The following PPP1R17 variants were observed in gnomAD, a reference collection of about 807,000 sequenced individuals.
PPP1R17 encodes G-substrate.
Under a neutral mutation model 15.9 loss-of-function variants are expected in PPP1R17, and 12 were observed. The ratio of observed to expected loss-of-function variants is 0.75; its 90% CI spans 0.48 to 1.22. PPP1R17 has a LOEUF of 1.22. PPP1R17 is among the 50% of genes most tolerant of loss of function. The probability of loss-of-function intolerance (pLI) is 0.00; values close to 1 mark genes in which losing one functional copy is unlikely to be tolerated. For synonymous variants in PPP1R17, 63 were observed against 64.5 expected, an observed-to-expected ratio of 0.98 and a Z score of 0.11; for missense variants, 211 against 187.3, an observed-to-expected ratio of 1.13 and a Z score of -0.74.
At chr7:31,702,549 T>C (rs183481143) in intron 4 of PPP1R17, among the ~76,000 whole-genome samples, 120 of 152,350 alleles carry the variant, frequency 7.9e-4, no homozygotes, top group Non-Finnish European at 1.4e-3. Flanking sequence ...AGGTCCAAAA[T>C]GACTCTTTTC....
intron 1 of PPP1R17, among the ~76,000 whole-genome samples, chr7:31,691,853 T>G (rs1269078604): frequency 6.7e-6 from 1 of 149,242 alleles, no homozygotes; most frequent in African/African-American, 2.5e-5. Flanking sequence ...AGAAGCCTTA[T>G]TCAATTCGGG....
rs550189867 is a variant in PPP1R17 at position 31,705,986 on chromosome 7, A to ATTTT, written c.389-1185_389-1182dup. Among the ~76,000 whole-genome samples the ATTTT allele has an allele frequency of 1.0e-3, 55 of 52,514 alleles. 10 individuals are homozygous for ATTTT. Among genetic ancestry groups the ATTTT allele is most frequent in the South Asian group, 1.7e-3 (2 of 1,182 alleles). The allele number at this position is 52,514 out of a possible 152,430, so 34.5% of individuals were successfully genotyped here. On this transcript the variant is annotated intron_variant, in intron 4 of 4. Transcript: ENST00000342032. ...GACTTCTGAATTTCACAGACCAGTA[A>ATTTT]TTTTTTTTTTTTTTTTTTTTTTTTT...
intron 2 of PPP1R17, among the ~76,000 whole-genome samples, chr7:31,693,022 A>G (rs1583829476): frequency 6.7e-6 from 1 of 148,546 alleles, no homozygotes; most frequent in Non-Finnish European, 1.5e-5. Context: ...TAATGAAAAT[A>G]CCAGAAACAT....
At chr7:31,688,416 C>T (rs1792198412) in intron 1 of PPP1R17, among the ~76,000 whole-genome samples, 2 of 152,194 alleles carry the variant, frequency 1.3e-5, no homozygotes, top group South Asian at 2.1e-4. Context: ...CTGAGAAAAC[C>T]GCTCAATGAT....
chr7:31,698,122 T>C (rs1792680161), intron 4 of PPP1R17, among the ~76,000 whole-genome samples: 1 of 152,200 alleles, frequency 6.6e-6, no homozygotes, highest in African/African-American at 2.4e-5. Flanking sequence ...CTTAGCATTA[T>C]AGGAACAGAA....
rs922779349 is a variant in PPP1R17, at chr7:31,707,808, G to A, written c.*525G>A. On this transcript the variant is annotated 3_prime_UTR_variant, in exon 5 of 5. Coordinates refer to ENST00000342032, the MANE Select transcript of PPP1R17 (RefSeq NM_006658.5). ...TCTTAAGAGTCCAAATGTCTCTGGTGATGTTCCTAAGACCCTTGTCCCAGA... is the reference window on the plus strand; with the variant it reads ...TCTTAAGAGTCCAAATGTCTCTGGTAATGTTCCTAAGACCCTTGTCCCAGA... The A allele has an allele frequency of 6.5e-6, 1 of 154,110 alleles. No individual in the cohort carries two copies. The highest frequency in any genetic ancestry group is 2.4e-5 in the African/African-American group (1 of 41,450). The allele number at this position is 154,110 out of a possible 1,614,324, so 9.5% of individuals were successfully genotyped here.
In PPP1R17 at chr7:31,694,380, T is replaced by TCAAACACACA. The variant is rs1250440023; in HGVS notation, c.83-1088_83-1087insAAACACACAC. ...ATTAACAATTTTAGCTCTCTCTCTCTCTCTCAAACACACACACACACACAC... is the reference window on the plus strand; with the variant it reads ...ATTAACAATTTTAGCTCTCTCTCTCTCAAACACACACTCTCAAACACACACACACACACAC... On this transcript the variant is annotated intron_variant, in intron 2 of 4. Transcript: ENST00000342032. Among the ~76,000 whole-genome samples, 931 of 109,142 alleles carry TCAAACACACA rather than the reference T, an allele frequency of 8.5e-3. 8 individuals carry two copies. The highest frequency in any genetic ancestry group is 0.031 in the African/African-American group (811 of 25,898). 71.6% of individuals were successfully genotyped at this position (109,142 alleles called of 152,430 possible). A position where few individuals can be genotyped will look rare whatever the true frequency, so the allele number is the denominator to read the frequency against.
chr7:31,695,932 C>T (rs910454218), intron 3 of PPP1R17: 17 of 187,752 alleles, frequency 9.1e-5, no homozygotes, highest in African/African-American at 3.8e-4. Flanking sequence ...ATCATAAACA[C>T]ATGGTGAGCA....
intron 1 of PPP1R17, among the ~76,000 whole-genome samples, chr7:31,690,131 C>T (rs1792279082): frequency 6.6e-6 from 1 of 152,216 alleles, no homozygotes; most frequent in Non-Finnish European, 1.5e-5. Flanking sequence ...AGCTGCTTTG[C>T]TCAGAGGAGG....
At chr7:31,696,632 A>G (rs1171893047) in intron 3 of PPP1R17, among the ~76,000 whole-genome samples, 2 of 152,188 alleles carry the variant, frequency 1.3e-5, no homozygotes, top group East Asian at 1.9e-4. Flanking sequence ...CTTGGGCTCA[A>G]CTGCTCTGTG....
chr7:31,689,837 G>A (rs998439201), intron 1 of PPP1R17, among the ~76,000 whole-genome samples: 1 of 152,086 alleles, frequency 6.6e-6, no homozygotes. Context: ...ATCCCTGCAC[G>A]GCATGGGATA....
At chr7:31,687,941 G>C (rs1347710597) in intron 1 of PPP1R17, among the ~76,000 whole-genome samples, 10 of 152,186 alleles carry the variant, frequency 6.6e-5, no homozygotes, top group Admixed American at 6.5e-4. Flanking sequence ...TCGCTTCTGA[G>C]AATCAGTTCT....
At chr7:31,695,405 C>T (rs1792534928) in intron 2 of PPP1R17, 64 bp from the exon 3 acceptor site, 2 of 1,461,130 alleles carry the variant, frequency 1.4e-6, no homozygotes, top group African/African-American at 1.4e-5. Flanking sequence ...AGGAACCAAA[C>T]AGTTTGTGAC....
At chr7:31,689,656 G>T (rs145700197) in intron 1 of PPP1R17, among the ~76,000 whole-genome samples, 1 of 152,158 alleles carries the variant, frequency 6.6e-6, no homozygotes, top group African/African-American at 2.4e-5. Context: ...GTTGAGAGAT[G>T]GGGTCATTAT....
intron 1 of PPP1R17, among the ~76,000 whole-genome samples, chr7:31,687,768 T>C (rs1267060639): frequency 6.6e-6 from 1 of 152,178 alleles, no homozygotes; most frequent in East Asian, 1.9e-4. Flanking sequence ...TAAAAAGAGG[T>C]TTGACAATGA....
chr7:31,697,378 G>A lies in PPP1R17; in HGVS notation c.388+261G>A, dbSNP rs114297759. On this transcript the variant is annotated intron_variant, in intron 4 of 4. Coordinates refer to ENST00000342032, the MANE Select transcript of PPP1R17 (RefSeq NM_006658.5). ...AGCTGGTTGAATTCACTGAGCCAAC[G>A]GAATAGAAATGTCAGTGGGTCCTTG... 7.6e-3 allele frequency among the ~76,000 whole-genome samples: 1,156 copies of A among 152,268 alleles called. 10 individuals carry two copies. The highest frequency in any genetic ancestry group is 0.026 in the African/African-American group (1,072 of 41,546).
In PPP1R17 at chr7:31,695,494, G is replaced by C. The variant is rs200377877; in HGVS notation, c.108G>C (p.Lys36Asn). The C allele has an allele frequency of 1.9e-6, 3 of 1,612,448 alleles. No homozygotes were observed. Among genetic ancestry groups the C allele is most frequent in the Non-Finnish European group, 2.5e-6 (3 of 1,179,392 alleles). Residue 36 changes from lysine to asparagine, a missense_variant, in exon 3 of 5, where the codon AAG (lysine) becomes AAC (asparagine). Lys to Asn is a moderately conservative substitution (Grantham distance 94). Transcript: ENST00000342032. ...HLDDLSDQFI[K>N]DCDLKKKPRK... ...ATGATCTTTCAGACCAGTTCATTAA[G>C]GACTGTGATCTCAAAAAGAAGCCTA...
chr7:31,695,693 T>C (rs1040075384), intron 3 of PPP1R17, 72 bp downstream of exon 3: 1 of 1,444,962 alleles, frequency 6.9e-7, no homozygotes, highest in Non-Finnish European at 9.3e-7. Context: ...TTCGTACACA[T>C]TTTTCCTTAA....
chr7:31,707,136 C>A, intron 4 of PPP1R17, 68 bp from the exon 5 acceptor site: 1 of 1,437,162 alleles, frequency 7.0e-7, no homozygotes, highest in South Asian at 1.2e-5. Context: ...TGTACTGTGT[C>A]TGTCTGCAAC....
Sources: allele counts gnomAD v4.1 joint callset (sites outside exome capture counted in the v4.1 genomes callset), GRCh38; gene constraint gnomAD v4.1.1; transcripts MANE v1.5; gene names NCBI Gene and HGNC (gene_info 2026-07-23, HGNC 2026-07-21).